Variants in WNK1 observed in about 807,000 individuals in gnomAD.
The protein encoded by WNK1 is WNK lysine deficient protein kinase 1.
In WNK1, 38 loss-of-function variants were observed where a neutral mutation model predicts 222.8. The observed-to-expected ratio is 0.17, with a 90% CI of 0.13 to 0.22. The LOEUF is 0.22. Among genes scored for constraint, WNK1 ranks in the 10% least tolerant of loss-of-function variants. WNK1 has a pLI of 1.00. For missense variants in WNK1, 2,348 were observed against 2,918.4 expected (o/e 0.80, Z 4.50); for synonymous variants, 1,090 against 1,092.9 (o/e 1.00, Z 0.05).
At chr12:900,793 C>G in intron 26 of WNK1, 123 bp downstream of exon 26, 1 of 1,176,732 alleles carries the variant, frequency 8.5e-7, no homozygotes, top group Non-Finnish European at 1.3e-6. Flanking sequence ...GTGTTGTACA[C>G]TGAAGAATCT....
In WNK1 at chr12:862,304, A is replaced by G. The variant is rs1468122583; in HGVS notation, c.2139+34A>G. The G allele has an allele frequency of 3.1e-6, 5 of 1,600,420 alleles. No homozygotes were observed. The East Asian group carries it at 8.9e-5, about 29-fold the overall frequency. On this transcript the variant is annotated intron_variant, in intron 8 of 27. Transcript: ENST00000315939. ...ATGCTTAAGAGCATGTAATACTACA[A>G]TGAGAGCCAATGGATAGTCTGCTAA...
intron 1 of WNK1, among the ~76,000 whole-genome samples, chr12:793,116 T>C (rs914700506): frequency 5.6e-4 from 86 of 152,318 alleles, no homozygotes; most frequent in African/African-American, 1.9e-3. Flanking sequence ...AATAAACTTA[T>C]AGCAATAGAG....
Position 868,076 on chromosome 12 carries a change from C to A in WNK1, c.2140-3189C>A, listed in dbSNP as rs377073379. 291 of 1,613,908 alleles carry A rather than the reference C, an allele frequency of 1.8e-4. No homozygotes were observed. Among genetic ancestry groups the A allele is most frequent in the Non-Finnish European group, 2.3e-4 (271 of 1,179,900 alleles). On this transcript the variant is annotated intron_variant, in intron 8 of 27. Coordinates refer to ENST00000315939, the MANE Select transcript of WNK1 (RefSeq NM_018979.4). ...CCTGCTGAGGACTGTTGGCCAAAGTCTTCTTCCACCTGGTGGCAGCCCAAC... is the reference window on the plus strand; with the variant it reads ...CCTGCTGAGGACTGTTGGCCAAAGTATTCTTCCACCTGGTGGCAGCCCAAC...
intron 22 of WNK1, among the ~76,000 whole-genome samples, chr12:892,773 G>A (rs890854946): frequency 2.6e-5 from 4 of 152,146 alleles, no homozygotes; most frequent in African/African-American, 9.7e-5. Flanking sequence ...GGCTACAAGT[G>A]ATAGCAATTC....
At chr12:780,929 G>A (rs1267002636) in intron 1 of WNK1, among the ~76,000 whole-genome samples, 1 of 152,176 alleles carries the variant, frequency 6.6e-6, no homozygotes, top group African/African-American at 2.4e-5. Flanking sequence ...GTTATTGAAT[G>A]TATAGTAGTT....
chr12:883,302 A>G (rs1384419342), intron 15 of WNK1, 93 bp from the exon 16 acceptor site: 1 of 1,402,518 alleles, frequency 7.1e-7, no homozygotes, highest in East Asian at 2.3e-5. Flanking sequence ...AAATAAAAAT[A>G]TAGGTAAGTA....
At chr12:777,200 G>T (rs1222115217) in intron 1 of WNK1, among the ~76,000 whole-genome samples, 4 of 140,026 alleles carry the variant, frequency 2.9e-5, no homozygotes, top group Admixed American at 1.5e-4. Context: ...GTCTCGCTCT[G>T]TCACCAGGCT....
Position 753,728 on chromosome 12 carries a change from A to G in WNK1, c.163A>G (p.Arg55Gly). Residue 55 changes from arginine (R) to glycine (G), a missense_variant, in exon 1 of 28, where the codon AGG (arginine) becomes GGG (glycine). Arg to Gly is a moderately radical substitution (Grantham distance 125). Around this residue, in one of 13 missense-constraint regions of WNK1, gnomAD observed 108 missense variants for 109.7 expected, o/e 0.98. Transcript: ENST00000315939. This position sits in a 1 kb window ranked among gnomAD's most constrained non-coding sequence, Gnocchi z 5.2. ...DAVTGRTEEY[R>G]RRRHTMDKDS... is the part of the protein sequence containing the mutation. Reference sequence around the variant, plus strand: ...TGTGACCGGCAGGACCGAGGAGTACAGGCGCCGCCGCCACACTATGGACAA... The same window carrying G: ...TGTGACCGGCAGGACCGAGGAGTACGGGCGCCGCCGCCACACTATGGACAA... The G allele has an allele frequency of 6.2e-7, 1 of 1,612,024 alleles. No individual in the cohort carries two copies.
At chr12:779,507 T>C (rs1008571321) in intron 1 of WNK1, among the ~76,000 whole-genome samples, 2 of 151,588 alleles carry the variant, frequency 1.3e-5, no homozygotes, top group Non-Finnish European at 2.9e-5. Context: ...TGAGTTCAAG[T>C]GATTCTCCTG....
intron 2 of WNK1, among the ~76,000 whole-genome samples, chr12:814,618 A>T (rs1164002537): frequency 6.6e-6 from 1 of 152,150 alleles, no homozygotes; most frequent in East Asian, 1.9e-4. Flanking sequence ...TACTTATTGT[A>T]AAGAGCTTTT....
intron 26 of WNK1, chr12:901,063 G>T: frequency 3.1e-6 from 1 of 317,878 alleles, no homozygotes; most frequent in Non-Finnish European, 6.1e-6. Context: ...GTATGGGAGT[G>T]GCATACTAAA....
intron 1 of WNK1, among the ~76,000 whole-genome samples, chr12:807,711 CTTTTTTTTT>C (rs869122990): frequency 7.2e-4 from 57 of 78,798 alleles, no homozygotes; most frequent in Middle Eastern, 0.011. Context: ...AGCAATAATT[CTTTTTTTTT>C]TTTTTTTTTT....
intron 11 of WNK1, 83 bp from the exon 12 acceptor site, chr12:880,638 T>C: frequency 7.2e-7 from 1 of 1,392,640 alleles, no homozygotes; most frequent in Non-Finnish European, 1.0e-6. Context: ...GTGCTTCTTT[T>C]TTTTTTTTTT....
chr12:894,140 C>T (rs754806156), intron 22 of WNK1, among the ~76,000 whole-genome samples: 49 of 152,242 alleles, frequency 3.2e-4, no homozygotes, highest in Non-Finnish European at 6.3e-4. Flanking sequence ...ATCACCTGAA[C>T]CCAGTAGGTG....
At position 884,613 on chromosome 12, in the gene WNK1, A is replaced by G. The variant is rs751861530; in HGVS notation, c.3845-36A>G. On this transcript the variant is annotated intron_variant, in intron 18 of 27. Coordinates refer to ENST00000315939, the MANE Select transcript of WNK1 (RefSeq NM_018979.4). This position sits in a 1 kb window ranked among gnomAD's most constrained non-coding sequence, Gnocchi z 5.6. ...AATCTTTTGAATCCATCCTTTTAAA[A>G]TCAGCTGATTCTTATCTTTTTGTAT... 2 of 1,594,124 alleles carry G rather than the reference A, an allele frequency of 1.3e-6. No homozygotes were observed.
Position 761,882 on chromosome 12 carries a change from A to C in WNK1, c.759+7558A>C, listed in dbSNP as rs1941070000. Among the ~76,000 whole-genome samples, 2 of 145,662 alleles carry C rather than the reference A, an allele frequency of 1.4e-5. 1 individual carries two copies. Among genetic ancestry groups the C allele is most frequent in the Non-Finnish European group, 3.1e-5 (2 of 65,356 alleles). ...ATTGTCATATTAAAATGTTCTTTGAACTCTCCATATTGCCCCTCTCACACA... is the reference window on the plus strand; with the variant it reads ...ATTGTCATATTAAAATGTTCTTTGACCTCTCCATATTGCCCCTCTCACACA... On this transcript the variant is annotated intron_variant, in intron 1 of 27. Transcript: ENST00000315939.
At chr12:837,951 A>G (rs1949326025) in intron 4 of WNK1, among the ~76,000 whole-genome samples, 1 of 152,150 alleles carries the variant, frequency 6.6e-6, no homozygotes, top group Non-Finnish European at 1.5e-5. Flanking sequence ...CATTTCATCT[A>G]AATAGAGTCA....
At chr12:829,860 C>A in intron 3 of WNK1, 143 bp from the exon 4 acceptor site, 1 of 817,852 alleles carries the variant, frequency 1.2e-6, no homozygotes. Context: ...GAGAAGATTT[C>A]CTTCCTCTTT....
At position 909,245 on chromosome 12, in the gene WNK1, G is replaced by T; in HGVS notation, c.*453G>T. On this transcript the variant is annotated 3_prime_UTR_variant, in exon 28 of 28. Transcript: ENST00000315939. Reference sequence around the variant, plus strand: ...CACCTACTGGGCTCTCTCCTACCCTGCCCTCCTCCCTTTTTTTTACCCCTC... The same window carrying T: ...CACCTACTGGGCTCTCTCCTACCCTTCCCTCCTCCCTTTTTTTTACCCCTC... The T allele has an allele frequency of 5.8e-6, 1 of 171,938 alleles. No homozygotes were observed. Among genetic ancestry groups the T allele is most frequent in the Non-Finnish European group, 1.3e-5 (1 of 79,460 alleles). 10.7% of individuals were successfully genotyped at this position (171,938 alleles called of 1,614,324 possible).
Sources: allele counts gnomAD v4.1 joint callset (sites outside exome capture counted in the v4.1 genomes callset), GRCh38; gene constraint gnomAD v4.1.1; regional missense constraint gnomAD v4.1.1; non-coding constraint Gnocchi (gnomAD v3.1); transcripts MANE v1.5; gene names NCBI Gene and HGNC (gene_info 2026-07-23, HGNC 2026-07-21).